SOX5: variants seen among roughly 807,000 people sequenced by gnomAD.
SOX5 encodes transcription factor SOX-5.
A neutral mutation model predicts 92.0 loss-of-function variants in SOX5; 9 were observed. The ratio of observed to expected loss-of-function variants is 0.10; its 90% CI spans 0.06 to 0.17. The LOEUF is 0.17. Ranked by LOEUF, SOX5 falls within the 10% of genes least tolerant of loss-of-function variation. The probability of loss-of-function intolerance (pLI) is 1.00; values close to 1 mark genes in which losing one functional copy is unlikely to be tolerated. For synonymous variants in SOX5, 344 were observed against 336.3 expected (o/e 1.02, Z -0.25); for missense variants, 642 against 944.5 (o/e 0.68, Z 4.20).
chr12:23,847,235 C>T (rs976294810), intron 2 of SOX5, among the ~76,000 whole-genome samples: 5 of 152,032 alleles, frequency 3.3e-5, no homozygotes, highest in Non-Finnish European at 4.4e-5. Flanking sequence ...AAAGCTGTAT[C>T]CTAAGATCTT....
chr12:24,099,766 T>G (rs144636855), intron 4 of SOX5, among the ~76,000 whole-genome samples: 1 of 152,082 alleles, frequency 6.6e-6, no homozygotes. Context: ...TGTAAATGCA[T>G]TAGTTATGTC....
chr12:24,076,699 CTTTTTTTTTT>C lies in SOX5; in HGVS notation c.-2+136634_-2+136643del, dbSNP rs11302877. The stretch of plus-strand genomic sequence containing the variant: ...AATACTAAAAAAGATCCAAAGCTGC[CTTTTTTTTTT>C]TTTTTTTTTTTGTAATGGTTGGTAA... On this transcript the variant is annotated intron_variant, in intron 4 of 4. Coordinates refer to the SOX5 transcript ENST00000446891. Among the ~76,000 whole-genome samples, 11 of 102,882 alleles carry C rather than the reference CTTTTTTTTTT, an allele frequency of 1.1e-4. No individual in the cohort carries two copies. The East Asian group carries it at 1.2e-3, about 11-fold the overall frequency. The allele number at this position is 102,882 out of a possible 152,430, so 67.5% of individuals were successfully genotyped here.
At chr12:24,244,699 A>T (rs10842297) in intron 3 of SOX5, among the ~76,000 whole-genome samples, 15,430 of 152,122 alleles carry the variant, frequency 0.1, 974 homozygotes, top group Admixed American at 0.16. Flanking sequence ...ATTAGCTATT[A>T]TTATCAGTAA....
At chr12:24,266,058 G>C (rs927635424) in intron 3 of SOX5, among the ~76,000 whole-genome samples, 1 of 150,552 alleles carries the variant, frequency 6.6e-6, no homozygotes, top group Admixed American at 6.6e-5. Flanking sequence ...GTGTGTGTGT[G>C]TGTGTGTGTG....
intron 1 of SOX5, among the ~76,000 whole-genome samples, chr12:23,935,445 T>A (rs182660962): frequency 6.6e-6 from 1 of 151,348 alleles, no homozygotes; most frequent in East Asian, 1.9e-4. Context: ...ATAAACTTTT[T>A]AAGCAAAAAT....
chr12:24,111,827 C>T (rs918796103), intron 4 of SOX5, among the ~76,000 whole-genome samples: 2 of 152,146 alleles, frequency 1.3e-5, no homozygotes, highest in African/African-American at 2.4e-5. Context: ...TCAATCATTA[C>T]TCATAAATTA....
chr12:24,528,586 C>A (rs1950915362), intron 1 of SOX5, among the ~76,000 whole-genome samples: 1 of 152,206 alleles, frequency 6.6e-6, no homozygotes, highest in Admixed American at 6.5e-5. Context: ...ATATCACTAT[C>A]CCTTGGAAAA....
intron 1 of SOX5, among the ~76,000 whole-genome samples, chr12:23,916,560 T>TAA: frequency 6.6e-6 from 1 of 152,332 alleles, no homozygotes; most frequent in Admixed American, 6.5e-5. Context: ...TCAAGAAATG[T>TAA]AAACCCTCAT....
Position 23,715,887 on chromosome 12 carries a change from T to G in SOX5, c.810+18797A>C, listed in dbSNP as rs147241557. Among the ~76,000 whole-genome samples the G allele has an allele frequency of 1.7e-3, 255 of 150,710 alleles. 6 individuals carry two copies. In the East Asian group the frequency reaches 0.046, roughly 27 times the overall value. On this transcript the variant is annotated intron_variant, in intron 6 of 14. Transcript: ENST00000451604. Reference sequence around the variant, plus strand: ...AGTTAACAATTAAACAACCTTAATCTCACTATCTATTATCCAAACATGACT... The same window carrying G: ...AGTTAACAATTAAACAACCTTAATCGCACTATCTATTATCCAAACATGACT...
chr12:23,716,538 G>T (rs1249158644), intron 6 of SOX5, among the ~76,000 whole-genome samples: 2 of 151,964 alleles, frequency 1.3e-5, no homozygotes, highest in African/African-American at 2.4e-5. Flanking sequence ...TTCTTCTTGG[G>T]GAAAAAGAAA....
At chr12:24,061,462 A>G (rs1939687630) in intron 4 of SOX5, among the ~76,000 whole-genome samples, 1 of 151,890 alleles carries the variant, frequency 6.6e-6, no homozygotes, top group South Asian at 2.1e-4. Context: ...TGGAGGTCAT[A>G]TCCATAATCC....
intron 4 of SOX5, among the ~76,000 whole-genome samples, chr12:23,994,899 T>A (rs1188631160): frequency 2.0e-5 from 3 of 152,252 alleles, no homozygotes; most frequent in East Asian, 3.9e-4. Context: ...TGGCCATAAT[T>A]TGATAGACAA....
rs60074726 is a variant in SOX5 at position 24,088,814 on chromosome 12, T to C, written c.-2+124529A>G. On this transcript the variant is annotated intron_variant, in intron 4 of 4. Transcript: ENST00000446891. Reference sequence around the variant, plus strand: ...TACTGATAACAGTGGATTATGGCAGTAAATTTTAATTAGGGGGATATTTTT... The same window carrying C: ...TACTGATAACAGTGGATTATGGCAGCAAATTTTAATTAGGGGGATATTTTT... Among the ~76,000 whole-genome samples, 1,230 of 152,188 alleles carry C rather than the reference T, an allele frequency of 8.1e-3. 14 individuals are homozygous for C. Among genetic ancestry groups the C allele is most frequent in the African/African-American group, 0.028 (1,169 of 41,556 alleles).
intron 4 of SOX5, among the ~76,000 whole-genome samples, chr12:24,074,480 C>T (rs1224992917): frequency 6.6e-6 from 1 of 151,560 alleles, no homozygotes; most frequent in Non-Finnish European, 1.5e-5. Flanking sequence ...CATTTTAGTA[C>T]CTATTTGATT....
At chr12:23,853,076 T>C (rs957212005) in intron 2 of SOX5, among the ~76,000 whole-genome samples, 16 of 150,684 alleles carry the variant, frequency 1.1e-4, no homozygotes, top group Non-Finnish European at 1.9e-4. Context: ...AGAAGGATAG[T>C]GGGGATGGAG....
At chr12:23,623,316 AT>A (rs1378745138) in intron 8 of SOX5, among the ~76,000 whole-genome samples, 6 of 152,274 alleles carry the variant, frequency 3.9e-5, no homozygotes, top group South Asian at 4.1e-4. Flanking sequence ...ACACTGATAT[AT>A]TTTTATTAGC....
chr12:24,322,791 A>G (rs1950326721), intron 2 of SOX5, among the ~76,000 whole-genome samples: 1 of 152,254 alleles, frequency 6.6e-6, no homozygotes, highest in African/African-American at 2.4e-5. Context: ...CATACTCACA[A>G]AAGGATGAAG....
intron 1 of SOX5, among the ~76,000 whole-genome samples, chr12:24,498,044 G>C (rs529830059): frequency 6.6e-6 from 1 of 152,238 alleles, no homozygotes; most frequent in Admixed American, 6.5e-5. Flanking sequence ...ACACACTGAG[G>C]CCTGTCTGAG....
chr12:23,631,737 C>A (rs1464169807), intron 8 of SOX5, among the ~76,000 whole-genome samples: 1 of 152,034 alleles, frequency 6.6e-6, no homozygotes, highest in African/African-American at 2.4e-5. Flanking sequence ...ATTTAATCGA[C>A]CATTACAATA....
Sources: gnomAD v4.1 joint callset for allele counts (sites outside exome capture counted in the v4.1 genomes callset) on GRCh38, gnomAD v4.1.1 for gene constraint, MANE v1.5 for transcripts, NCBI Gene and HGNC (gene_info 2026-07-23, HGNC 2026-07-21) for gene names.